RELL1: variants seen among roughly 807,000 people sequenced by gnomAD.
RELL1 encodes the protein RELT like 1, also known as RELT-like protein 1.
RELL1 carries 10 observed loss-of-function variants against 23.0 expected under a neutral mutation model. The observed-to-expected ratio is 0.43, with a 90% CI of 0.27 to 0.74. The LOEUF (loss-of-function observed/expected upper bound fraction) is 0.74. Ranked by LOEUF, RELL1 falls within the 30% of genes least tolerant of loss-of-function variation. RELL1 has a pLI of 0.19. For synonymous variants in RELL1, 146 were observed against 146.8 expected, an observed-to-expected ratio of 0.99 and a Z score of 0.04; for missense variants, 315 against 364.4, an observed-to-expected ratio of 0.86 and a Z score of 1.10.
intron 1 of RELL1, among the ~76,000 whole-genome samples, chr4:37,668,614 T>C (rs1721630702): frequency 1.3e-5 from 2 of 152,002 alleles, no homozygotes; most frequent in African/African-American, 4.8e-5. Flanking sequence ...AGTGGCGAGA[T>C]TGCAGCCTCT....
rs1218115800 is a variant in RELL1 at position 37,610,828 on chromosome 4, G to A, written c.*2518C>T. ...CATTAGTGTTTTCTAGAGAAAGTCT[G>A]TTGTGGATTCCCTCATCCTTAGAAA... On this transcript the variant is annotated 3_prime_UTR_variant, in exon 7 of 7. Transcript: ENST00000454158. The surrounding 1 kb of genome is among the most constrained non-coding windows in gnomAD (Gnocchi z 4.1). Among the ~76,000 whole-genome samples, 1 of 152,194 alleles carries A rather than the reference G, an allele frequency of 6.6e-6. No individual in the cohort carries two copies. Among genetic ancestry groups the A allele is most frequent in the Non-Finnish European group, 1.5e-5 (1 of 68,046 alleles).
intron 6 of RELL1, among the ~76,000 whole-genome samples, chr4:37,595,990 TG>T (rs1384844707): frequency 6.6e-6 from 1 of 152,064 alleles, no homozygotes; most frequent in African/African-American, 2.4e-5. Context: ...CTCCTAGTGA[TG>T]GGGGAAAAAA....
At chr4:37,605,139 G>A (rs560617931) in intron 6 of RELL1, among the ~76,000 whole-genome samples, 14 of 152,204 alleles carry the variant, frequency 9.2e-5, no homozygotes, top group East Asian at 3.8e-4. Context: ...AGCTTAGAAC[G>A]AGTACTATGG....
chr4:37,619,941 A>G (rs953070854), intron 6 of RELL1, among the ~76,000 whole-genome samples: 12 of 152,166 alleles, frequency 7.9e-5, no homozygotes, highest in African/African-American at 2.9e-4. Context: ...AAGTGATCTC[A>G]GTTTGGATTT....
chr4:37,598,252 CAAAAA>C (rs56142508), intron 6 of RELL1, among the ~76,000 whole-genome samples: 22 of 11,334 alleles, frequency 1.9e-3, no homozygotes, highest in African/African-American at 7.1e-3. Flanking sequence ...AACTCTGTCT[CAAAAA>C]AAAAAAAAAA....
chr4:37,605,182 C>T (rs1160647463), intron 6 of RELL1, among the ~76,000 whole-genome samples: 1 of 152,036 alleles, frequency 6.6e-6, no homozygotes, highest in Non-Finnish European at 1.5e-5. Flanking sequence ...GCAGTGTGGG[C>T]ACATGCTTTT....
chr4:37,605,372 T>G (rs1719164114), intron 6 of RELL1, among the ~76,000 whole-genome samples: 1 of 152,090 alleles, frequency 6.6e-6, no homozygotes, highest in Admixed American at 6.6e-5. Context: ...CAGGGCTCCT[T>G]GGGTTAGTGG....
At chr4:37,656,641 C>T (rs755888932) in intron 1 of RELL1, among the ~76,000 whole-genome samples, 15 of 152,224 alleles carry the variant, frequency 9.9e-5, no homozygotes, top group Non-Finnish European at 1.5e-4. Flanking sequence ...TTAAGAAGTG[C>T]TTGGGTCTTG....
At chr4:37,674,492 T>C (rs1721950769) in intron 1 of RELL1, among the ~76,000 whole-genome samples, 1 of 152,192 alleles carries the variant, frequency 6.6e-6, no homozygotes, top group Non-Finnish European at 1.5e-5. Context: ...GTTTTGCCTT[T>C]AGAAGGAGGA....
At chr4:37,586,451 T>G (rs916506950), downstream of RELL1, among the ~76,000 whole-genome samples, 3 of 152,106 alleles carry the variant, frequency 2.0e-5, no homozygotes, top group African/African-American at 7.2e-5. Context: ...GGAAAGAGGG[T>G]GGCAAGAGAT....
intron 1 of RELL1, among the ~76,000 whole-genome samples, chr4:37,653,266 G>A (rs1403950929): frequency 6.6e-6 from 1 of 151,742 alleles, no homozygotes; most frequent in Non-Finnish European, 1.5e-5. Flanking sequence ...CTTTTCCCTT[G>A]CAACAGGTAG....
chr4:37,654,228 A>T (rs1166560188), intron 1 of RELL1, among the ~76,000 whole-genome samples: 1 of 152,232 alleles, frequency 6.6e-6, no homozygotes. Context: ...AGCCAAATGA[A>T]TTTAAATAAA....
At chr4:37,624,519 G>A (rs1485285080) in intron 6 of RELL1, among the ~76,000 whole-genome samples, 2 of 149,484 alleles carry the variant, frequency 1.3e-5, no homozygotes, top group Non-Finnish European at 3.0e-5. Flanking sequence ...CACCTCCCAG[G>A]TTCACGCCAT....
intron 1 of RELL1, among the ~76,000 whole-genome samples, chr4:37,658,457 A>AGTT (rs1721206367): frequency 6.6e-6 from 1 of 152,266 alleles, no homozygotes; most frequent in Non-Finnish European, 1.5e-5. Flanking sequence ...TAAGCTAAGC[A>AGTT]TTGAATCTTC....
chr4:37,682,153 C>G lies in RELL1; in HGVS notation c.88+4047G>C, dbSNP rs1326260313. 2.6e-5 allele frequency among the ~76,000 whole-genome samples: 4 copies of G among 152,140 alleles called. No individual in the cohort carries two copies. The South Asian group carries it at 6.2e-4, about 24-fold the overall frequency. On this transcript the variant is annotated intron_variant, in intron 1 of 6. Transcript: ENST00000454158. ...AAATTAATTGTAAGAATGAAATGAT[C>G]TAGGTATTTAGACTACCGCCTGCAC...
intron 1 of RELL1, among the ~76,000 whole-genome samples, chr4:37,662,126 C>T (rs17495467): frequency 0.015 from 2,320 of 152,274 alleles, 24 homozygotes; most frequent in Non-Finnish European, 0.026. Flanking sequence ...AAAGACCACT[C>T]TGGGAACAGA....
intron 1 of RELL1, among the ~76,000 whole-genome samples, chr4:37,661,706 T>C (rs1721364390): frequency 6.6e-6 from 1 of 152,192 alleles, no homozygotes; most frequent in South Asian, 2.1e-4. Context: ...ATAACTAAAG[T>C]CACAGTCTCT....
At chr4:37,592,836 T>G (rs1718684015) in intron 6 of RELL1, among the ~76,000 whole-genome samples, 1 of 152,264 alleles carries the variant, frequency 6.6e-6, no homozygotes, top group Non-Finnish European at 1.5e-5. Context: ...AATGATGTTT[T>G]ACTAGTTGAA....
chr4:37,589,626 C>T (rs993636892), downstream of RELL1, among the ~76,000 whole-genome samples: 11 of 152,154 alleles, frequency 7.2e-5, no homozygotes, highest in Admixed American at 2.6e-4. Context: ...AAGAGTATTT[C>T]AGGCAGAACC....
Sources: allele counts gnomAD v4.1 joint callset (sites outside exome capture counted in the v4.1 genomes callset), GRCh38; gene constraint gnomAD v4.1.1; non-coding constraint Gnocchi (gnomAD v3.1); transcripts MANE v1.5; gene names NCBI Gene and HGNC (gene_info 2026-07-23, HGNC 2026-07-21).